The following SLC15A5 variants were observed in gnomAD, a reference collection of about 807,000 sequenced individuals.
SLC15A5 encodes solute carrier family 15 member 5.
SLC15A5 carries 58 observed loss-of-function variants against 56.1 expected under a neutral mutation model. The ratio of observed to expected loss-of-function variants is 1.03; its 90% CI spans 0.84 to 1.29. SLC15A5 has a LOEUF of 1.29. SLC15A5 is among the 50% of genes most tolerant of loss of function. The pLI is 0.00. For synonymous variants in SLC15A5, 264 were observed against 250.5 expected (o/e 1.05, Z -0.51); for missense variants, 681 against 672.1 (o/e 1.01, Z -0.15).
At chr12:16,197,540 T>C (rs1863906262) in intron 7 of SLC15A5, among the ~76,000 whole-genome samples, 1 of 152,148 alleles carries the variant, frequency 6.6e-6, no homozygotes. Flanking sequence ...TTCTCTTCTA[T>C]GAAATGATGA....
At chr12:16,233,665 A>G (rs992620489) in intron 5 of SLC15A5, among the ~76,000 whole-genome samples, 2 of 152,132 alleles carry the variant, frequency 1.3e-5, no homozygotes, top group South Asian at 2.1e-4. Context: ...ACTGCTGCCT[A>G]TACACATGCA....
chr12:16,244,562 C>T lies in SLC15A5; in HGVS notation c.975+18G>A, dbSNP rs934440258. On this transcript the variant is annotated intron_variant, in intron 4 of 8. Transcript: ENST00000344941. ...TCACTTTCCTGTTGTTGGGGTAGTACTCATCGCCTGTCCTTACCTGCATAA... is the reference window on the plus strand; with the variant it reads ...TCACTTTCCTGTTGTTGGGGTAGTATTCATCGCCTGTCCTTACCTGCATAA... 6.5e-6 allele frequency: 10 copies of T among 1,532,174 alleles called. No individual in the cohort carries two copies. In the Admixed American group the frequency reaches 9.8e-5, roughly 15 times the overall value. 94.9% of individuals were successfully genotyped at this position (1,532,174 alleles called of 1,614,324 possible).
At chr12:16,205,586 TATATAC>T (rs1370681280) in intron 7 of SLC15A5, among the ~76,000 whole-genome samples, 263 of 13,992 alleles carry the variant, frequency 0.019, 6 homozygotes, top group Middle Eastern at 0.05. Flanking sequence ...GGTGCATATA[TATATAC>T]ATATACACAC....
chr12:16,258,773 TCAACTCAAGTCAACTGATGAG>T (rs1864605740), intron 2 of SLC15A5, among the ~76,000 whole-genome samples: 1 of 152,094 alleles, frequency 6.6e-6, no homozygotes, highest in African/African-American at 2.4e-5. Flanking sequence ...TGGGCTCTGA[TCAACTCAAGTCAACTGATGAG>T]AAACCCCAAT....
intron 7 of SLC15A5, among the ~76,000 whole-genome samples, chr12:16,212,509 A>G (rs564541916): frequency 3.0e-5 from 2 of 66,606 alleles, no homozygotes; most frequent in East Asian, 8.6e-4. Context: ...AAAGAGACTT[A>G]TCCTATTTCC....
intron 5 of SLC15A5, among the ~76,000 whole-genome samples, chr12:16,229,169 A>T (rs1864271179): frequency 6.6e-6 from 1 of 152,140 alleles, no homozygotes; most frequent in Non-Finnish European, 1.5e-5. Flanking sequence ...ATTGAATATT[A>T]CTCTTCAGCT....
rs1863893191 is a variant in SLC15A5 at position 16,196,210 on chromosome 12, T to G, written c.1484-1757A>C. On this transcript the variant is annotated intron_variant, in intron 7 of 8. Coordinates refer to ENST00000344941, the MANE Select transcript of SLC15A5 (RefSeq NM_001170798.1). This position sits in a 1 kb window ranked among gnomAD's most constrained non-coding sequence, Gnocchi z 4.0. ...ACTATACCTATTTTGTGGTTCCACT[T>G]TACCATTTTATTTGGGTTCTATTAT... Among the ~76,000 whole-genome samples the G allele has an allele frequency of 1.3e-5, 2 of 152,128 alleles. No individual in the cohort carries two copies. Among genetic ancestry groups the G allele is most frequent in the South Asian group, 2.1e-4 (1 of 4,828 alleles).
chr12:16,262,657 G>C (rs1864653740), intron 2 of SLC15A5, among the ~76,000 whole-genome samples: 1 of 152,204 alleles, frequency 6.6e-6, no homozygotes, highest in Non-Finnish European at 1.5e-5. Context: ...ATATGGTTTA[G>C]TTCTCTGTCC....
chr12:16,232,598 A>T (rs1864309211), intron 5 of SLC15A5, among the ~76,000 whole-genome samples: 1 of 152,200 alleles, frequency 6.6e-6, no homozygotes, highest in South Asian at 2.1e-4. Flanking sequence ...AAAGATTGTA[A>T]CACAAGGATA....
intron 6 of SLC15A5, among the ~76,000 whole-genome samples, chr12:16,217,382 G>A (rs142233261): frequency 6.6e-6 from 1 of 152,164 alleles, no homozygotes; most frequent in East Asian, 1.9e-4. Flanking sequence ...TATCAATTTT[G>A]TGATTCTGTG....
chr12:16,214,738 C>G (rs923691650), intron 7 of SLC15A5, among the ~76,000 whole-genome samples: 1 of 152,152 alleles, frequency 6.6e-6, no homozygotes, highest in African/African-American at 2.4e-5. Context: ...GATTTGTATT[C>G]TTCTGCCATA....
intron 1 of SLC15A5, among the ~76,000 whole-genome samples, chr12:16,275,987 T>A (rs1294667948): frequency 6.6e-6 from 1 of 151,970 alleles, no homozygotes; most frequent in East Asian, 1.9e-4. Flanking sequence ...CCATCCTAAC[T>A]CATTGCCACA....
chr12:16,196,278 G>C lies in SLC15A5; in HGVS notation c.1484-1825C>G, dbSNP rs561456769. Among the ~76,000 whole-genome samples, 1 of 152,168 alleles carries C rather than the reference G, an allele frequency of 6.6e-6. No individual in the cohort carries two copies. Among genetic ancestry groups the C allele is most frequent in the East Asian group, 1.9e-4 (1 of 5,166 alleles). ...TTATTGCTACAGTTACATGATGCCT[G>C]TATCTGGTGTTTAGATGAGTAAATG... On this transcript the variant is annotated intron_variant, in intron 7 of 8. Transcript: ENST00000344941. The surrounding 1 kb of genome is among the most constrained non-coding windows in gnomAD (Gnocchi z 4.0).
chr12:16,240,578 A>C (rs1450246035), intron 4 of SLC15A5, among the ~76,000 whole-genome samples: 1 of 152,064 alleles, frequency 6.6e-6, no homozygotes, highest in East Asian at 1.9e-4. Context: ...TTAAAAAAAA[A>C]CCCTGTGCTC....
At chr12:16,200,591 T>A (rs1282962421) in intron 7 of SLC15A5, among the ~76,000 whole-genome samples, 2 of 152,158 alleles carry the variant, frequency 1.3e-5, no homozygotes, top group Non-Finnish European at 2.9e-5. Context: ...GAAGTTTCAA[T>A]AACATTAGAA....
chr12:16,241,482 T>C (rs145818226), intron 4 of SLC15A5, among the ~76,000 whole-genome samples: 2 of 152,322 alleles, frequency 1.3e-5, no homozygotes, highest in African/African-American at 4.8e-5. Context: ...AGACCACATT[T>C]TCACTGAGAT....
rs924935482 is a variant in SLC15A5 at position 16,257,695 on chromosome 12, A to G, written c.754+6T>C. ...CAGAAATCAATGTAACGCATAATTT[A>G]CTTACGTTTTTCTGACTGATAAATT... is the stretch of plus-strand genomic sequence containing the variant. On this transcript the variant is annotated splice_donor_region_variant and intron_variant, in intron 3 of 8. Transcript: ENST00000344941. The G allele has an allele frequency of 8.9e-6, 13 of 1,454,280 alleles. No individual in the cohort carries two copies. The highest frequency in any genetic ancestry group is 1.2e-5 in the Non-Finnish European group (13 of 1,111,284). The allele number at this position is 1,454,280 out of a possible 1,614,324, so 90.1% of individuals were successfully genotyped here. A position where few individuals can be genotyped will look rare whatever the true frequency, so the allele number is the denominator to read the frequency against.
chr12:16,277,097 A>G (rs1829285569), intron 1 of SLC15A5, among the ~76,000 whole-genome samples: 1 of 135,154 alleles, frequency 7.4e-6, no homozygotes, highest in African/African-American at 3.1e-5. Flanking sequence ...TATAAAATAT[A>G]AATGCAATGA....
chr12:16,250,198 A>G (rs1034970906), intron 3 of SLC15A5, among the ~76,000 whole-genome samples: 4 of 152,050 alleles, frequency 2.6e-5, no homozygotes, highest in African/African-American at 9.7e-5. Context: ...GCTCAGCTTA[A>G]CAATAACAAA....
Sources: allele counts gnomAD v4.1 joint callset (sites outside exome capture counted in the v4.1 genomes callset), GRCh38; gene constraint gnomAD v4.1.1; non-coding constraint Gnocchi (gnomAD v3.1); transcripts MANE v1.5; gene names NCBI Gene and HGNC (gene_info 2026-07-23, HGNC 2026-07-21).